ANKRD30B: variants seen among roughly 807,000 people sequenced by gnomAD.
ANKRD30B encodes ankyrin repeat domain-containing protein 30B.
In ANKRD30B, 144 loss-of-function variants were observed where a neutral mutation model predicts 202.2. That is an observed-to-expected ratio of 0.71 (90% confidence interval 0.62 to 0.82). ANKRD30B has a LOEUF of 0.82. Ranked by LOEUF, ANKRD30B falls within the 40% of genes least tolerant of loss-of-function variation. The probability of loss-of-function intolerance (pLI) is 0.00; values close to 1 mark genes in which losing one functional copy is unlikely to be tolerated. For missense variants in ANKRD30B, 1,487 were observed against 1,669.1 expected (o/e 0.89, Z 1.90); for synonymous variants, 508 against 561.3 (o/e 0.91, Z 1.34).
chr18:14,855,047 C>A (rs895228389), downstream of ANKRD30B, among the ~76,000 whole-genome samples: 16 of 152,042 alleles, frequency 1.1e-4, no homozygotes, highest in Middle Eastern at 3.2e-3. Context: ...GGCAGAGGTC[C>A]CTGCAGCCTT....
intron 39 of ANKRD30B, among the ~76,000 whole-genome samples, chr18:14,846,845 G>T (rs945779188): frequency 3.0e-4 from 46 of 151,400 alleles, no homozygotes; most frequent in African/African-American, 1.1e-3. Flanking sequence ...TGTTATACAG[G>T]TAGATCTCAC....
intron 8 of ANKRD30B, among the ~76,000 whole-genome samples, chr18:14,771,573 T>A (rs1967007613): frequency 6.6e-6 from 1 of 152,176 alleles, no homozygotes; most frequent in African/African-American, 2.4e-5. Context: ...CTTTTCAACA[T>A]TTCAAATATT....
chr18:14,809,384 T>C, intron 26 of ANKRD30B, among the ~76,000 whole-genome samples: 1 of 150,858 alleles, frequency 6.6e-6, no homozygotes, highest in Non-Finnish European at 1.5e-5. Flanking sequence ...AAAAGCTGGT[T>C]AGAAACAATC....
intron 30 of ANKRD30B, among the ~76,000 whole-genome samples, chr18:14,819,738 C>T (rs943875625): frequency 1.8e-3 from 272 of 152,178 alleles, no homozygotes; most frequent in African/African-American, 6.3e-3. Flanking sequence ...GTTTCGGTAC[C>T]AGTACCATGC....
chr18:14,797,545 G>A lies in ANKRD30B; in HGVS notation c.1928-116G>A, dbSNP rs978194564. On this transcript the variant is annotated intron_variant, in intron 18 of 43. Transcript: ENST00000690538. ...AACCCAAAGGACCCCAAAACCTAGT[G>A]TAATCCCTTTCCAATCCAAGCATGA... is the stretch of plus-strand genomic sequence containing the variant. 2.5e-6 allele frequency: 3 copies of A among 1,211,892 alleles called. No homozygotes were observed. In the African/African-American group the frequency reaches 4.5e-5, roughly 18 times the overall value. The allele number at this position is 1,211,892 out of a possible 1,614,324, so 75.1% of individuals were successfully genotyped here.
At chr18:14,917,391 C>T in the ANKRD30B span, among the ~76,000 whole-genome samples, 1 of 152,196 alleles carries the variant, frequency 6.6e-6, no homozygotes, top group African/African-American at 2.4e-5. Context: ...CCCTCACCTT[C>T]CTCTTCCATC....
intron 7 of ANKRD30B, among the ~76,000 whole-genome samples, chr18:14,766,193 G>A (rs1916105905): frequency 6.6e-6 from 1 of 152,012 alleles, no homozygotes; most frequent in South Asian, 2.1e-4. Context: ...AAATTGTCAG[G>A]TCAGGGCTGG....
At chr18:14,800,402 GCAAGCTCCACCTC>G (rs2144002430) in intron 22 of ANKRD30B, among the ~76,000 whole-genome samples, 1 of 151,080 alleles carries the variant, frequency 6.6e-6, no homozygotes, top group African/African-American at 2.4e-5. Context: ...TTGGCGCACT[GCAAGCTCCACCTC>G]CCAGGTTCAC....
the ANKRD30B span, among the ~76,000 whole-genome samples, chr18:14,930,046 A>G: frequency 6.6e-6 from 1 of 152,206 alleles, no homozygotes; most frequent in African/African-American, 2.4e-5. Flanking sequence ...ATGTGAGGAT[A>G]CTTCAGCCAT....
intron 6 of ANKRD30B, among the ~76,000 whole-genome samples, chr18:14,763,154 C>T (rs1915528377): frequency 6.6e-6 from 1 of 151,560 alleles, no homozygotes; most frequent in Non-Finnish European, 1.5e-5. Flanking sequence ...GTGCCAGAAC[C>T]CCTTTTGGAG....
chr18:14,876,453 C>A, the ANKRD30B span, among the ~76,000 whole-genome samples: 2 of 152,096 alleles, frequency 1.3e-5, no homozygotes, highest in Non-Finnish European at 2.9e-5. Context: ...GGAAATGATG[C>A]CAACATTTAG....
intron 26 of ANKRD30B, 30 bp from the exon 27 acceptor site, chr18:14,809,956 A>C: frequency 7.1e-7 from 1 of 1,401,236 alleles, no homozygotes; most frequent in South Asian, 1.2e-5. Flanking sequence ...GCTTGCATAT[A>C]ATCAATTATA....
chr18:14,820,019 T>C, intron 30 of ANKRD30B, among the ~76,000 whole-genome samples: 1 of 152,092 alleles, frequency 6.6e-6, no homozygotes, highest in African/African-American at 2.4e-5. Flanking sequence ...TCCATTTGTT[T>C]TATCCTCTTT....
At chr18:14,797,498 T>A (rs1344238123) in intron 18 of ANKRD30B, among the ~76,000 whole-genome samples, 163 bp from the exon 19 acceptor site, 1 of 152,178 alleles carries the variant, frequency 6.6e-6, no homozygotes, top group Non-Finnish European at 1.5e-5. Context: ...CTCCCTACAG[T>A]TGGCATGTTA....
chr18:14,809,867 A>G, intron 26 of ANKRD30B, 119 bp from the exon 27 acceptor site: 1 of 1,000,548 alleles, frequency 1.0e-6, no homozygotes, highest in Non-Finnish European at 1.5e-6. Flanking sequence ...CCCAAAACCT[A>G]GTGTAATCCC....
At chr18:14,774,785 A>G (rs1325808123) in intron 9 of ANKRD30B, among the ~76,000 whole-genome samples, 1 of 152,082 alleles carries the variant, frequency 6.6e-6, no homozygotes, top group Non-Finnish European at 1.5e-5. Context: ...CAATACTATA[A>G]ACTACGTAAG....
the ANKRD30B span, among the ~76,000 whole-genome samples, chr18:14,868,081 GGAGGCCAA>G: frequency 3.9e-5 from 6 of 152,368 alleles, no homozygotes; most frequent in Admixed American, 1.3e-4. Context: ...GGGTACCTGT[GGAGGCCAA>G]GTGGTAGGAG....
In ANKRD30B at chr18:14,852,497, A is replaced by AATAT. The variant is rs369000955; in HGVS notation, c.4476+89_4476+92dup. On this transcript the variant is annotated intron_variant, in intron 42 of 43. Coordinates refer to ENST00000690538, the MANE Select transcript of ANKRD30B (RefSeq NM_001367607.2). ...CTTGGCTAAATGCTGAATCTAGTTG[A>AATAT]ATATATATATATATAAATAGATGAT... 3.5e-6 allele frequency: 5 copies of AATAT among 1,415,960 alleles called. No homozygotes were observed. The African/African-American group carries it at 5.8e-5, about 17-fold the overall frequency. The allele number at this position is 1,415,960 out of a possible 1,614,324, so 87.7% of individuals were successfully genotyped here.
chr18:14,938,922 C>G, the ANKRD30B span, among the ~76,000 whole-genome samples: 12 of 152,114 alleles, frequency 7.9e-5, no homozygotes, highest in East Asian at 1.9e-4. Context: ...CATTTCCCCC[C>G]CAGGAGAAGA....
Sources: gnomAD v4.1 joint callset for allele counts (sites outside exome capture counted in the v4.1 genomes callset) on GRCh38, gnomAD v4.1.1 for gene constraint, MANE v1.5 for transcripts, NCBI Gene and HGNC (gene_info 2026-07-23, HGNC 2026-07-21) for gene names.